Variants in KCNMA1 observed in about 807,000 individuals in gnomAD.
The protein encoded by KCNMA1 is potassium calcium-activated channel subfamily M alpha 1, also known as Calcium-activated potassium channel subunit alpha-1.
Under a neutral mutation model 140.0 loss-of-function variants are expected in KCNMA1, and 29 were observed. The ratio of observed to expected loss-of-function variants is 0.21; its 90% confidence interval spans 0.15 to 0.28. The LOEUF (loss-of-function observed/expected upper bound fraction) is 0.28. KCNMA1 is among the 10% of genes least tolerant of loss of function. KCNMA1 has a pLI of 1.00. For synonymous variants in KCNMA1, 612 were observed against 611.9 expected, an observed-to-expected ratio of 1.00 and a Z score of 0.00; for missense variants, 880 against 1,602.2, an observed-to-expected ratio of 0.55 and a Z score of 7.70.
intron 1 of KCNMA1, among the ~76,000 whole-genome samples, chr10:77,615,658 G>C (rs76939640): frequency 6.6e-6 from 1 of 151,742 alleles, no homozygotes; most frequent in Non-Finnish European, 1.5e-5. Flanking sequence ...CCTCTCCCTC[G>C]TCCTTCCTAT....
intron 19 of KCNMA1, among the ~76,000 whole-genome samples, chr10:76,982,809 T>C (rs1237144083): frequency 1.3e-5 from 2 of 152,218 alleles, no homozygotes; most frequent in South Asian, 2.1e-4. Context: ...CAGCCCACTT[T>C]CCTTTCCAAG....
At chr10:77,185,386 T>A (rs1425344646) in intron 3 of KCNMA1, among the ~76,000 whole-genome samples, 2 of 152,018 alleles carry the variant, frequency 1.3e-5, no homozygotes, top group African/African-American at 4.8e-5. Flanking sequence ...AGTGGTTGTG[T>A]TTTGGACCTT....
At chr10:77,026,646 T>A (rs566157757) in intron 16 of KCNMA1, among the ~76,000 whole-genome samples, 1 of 115,104 alleles carries the variant, frequency 8.7e-6, no homozygotes, top group African/African-American at 3.6e-5. Flanking sequence ...AAATCTACCA[T>A]TTTTTTCTTC....
rs1223978641 is a variant in KCNMA1 at position 77,570,128 on chromosome 10, C to T, written c.378+67137G>A. ...ATGTGGAGAAATAGGAACACTTTTACACTGTTGGTGGGACTGTAAACTAGT... is the reference window on the plus strand; with the variant it reads ...ATGTGGAGAAATAGGAACACTTTTATACTGTTGGTGGGACTGTAAACTAGT... On this transcript the variant is annotated intron_variant, in intron 1 of 27. Coordinates refer to ENST00000286628, the MANE Select transcript of KCNMA1 (RefSeq NM_001161352.2). 4.0e-5 allele frequency among the ~76,000 whole-genome samples: 6 copies of T among 151,802 alleles called. No homozygotes were observed. In the South Asian group the frequency reaches 1.0e-3, roughly 27 times the overall value.
At chr10:77,017,460 C>G (rs546404565) in intron 17 of KCNMA1, among the ~76,000 whole-genome samples, 3 of 152,268 alleles carry the variant, frequency 2.0e-5, no homozygotes, top group Non-Finnish European at 2.9e-5. Flanking sequence ...CTTGAACAAC[C>G]GGGAGATTCT....
intron 23 of KCNMA1, among the ~76,000 whole-genome samples, chr10:76,928,098 A>G (rs2058228285): frequency 6.6e-6 from 1 of 152,142 alleles, no homozygotes. Flanking sequence ...AGGGAGTTGG[A>G]GATGGGAGGA....
At chr10:77,118,703 T>C (rs1011934387) in intron 6 of KCNMA1, among the ~76,000 whole-genome samples, 4 of 152,196 alleles carry the variant, frequency 2.6e-5, no homozygotes, top group Non-Finnish European at 5.9e-5. Context: ...GATCCTTGAC[T>C]GCCCTGCAAC....
In KCNMA1 at chr10:77,018,975, C is replaced by T. The variant is rs74140254; in HGVS notation, c.2015+38G>A. On this transcript the variant is annotated intron_variant, in intron 17 of 27. Transcript: ENST00000286628. ...TTCCGTGGGTCAAGGTGTCTACAGC[C>T]GGGCCAGAAAGAAAGCCAGTTGAAA... is the stretch of plus-strand genomic sequence containing the variant. 2,989 of 1,186,782 alleles carry T rather than the reference C, an allele frequency of 2.5e-3. 50 individuals are homozygous for T. The African/African-American group carries it at 0.039, about 15-fold the overall frequency. The allele number at this position is 1,186,782 out of a possible 1,614,324, so 73.5% of individuals were successfully genotyped here. A position where few individuals can be genotyped will look rare whatever the true frequency, so the allele number is the denominator to read the frequency against.
At chr10:77,182,704 C>T (rs568338313) in intron 5 of KCNMA1, among the ~76,000 whole-genome samples, 2 of 152,144 alleles carry the variant, frequency 1.3e-5, no homozygotes, top group Non-Finnish European at 1.5e-5. Context: ...CTAGTAGACC[C>T]CATGACAGCA....
At chr10:77,274,226 A>G (rs1276085092) in intron 2 of KCNMA1, among the ~76,000 whole-genome samples, 1 of 152,116 alleles carries the variant, frequency 6.6e-6, no homozygotes, top group African/African-American at 2.4e-5. Context: ...ATCACACACT[A>G]TTTATAGGCT....
At chr10:76,907,004 G>C (rs1173609239) in intron 25 of KCNMA1, among the ~76,000 whole-genome samples, 1 of 152,276 alleles carries the variant, frequency 6.6e-6, no homozygotes, top group Non-Finnish European at 1.5e-5. Flanking sequence ...AATATGTCTT[G>C]CTTCAACACT....
At chr10:77,024,431 T>C (rs569302241) in intron 16 of KCNMA1, among the ~76,000 whole-genome samples, 20 of 151,710 alleles carry the variant, frequency 1.3e-4, no homozygotes, top group Non-Finnish European at 2.5e-4. Flanking sequence ...CACAAACACA[T>C]GACAGTGATT....
chr10:77,104,681 T>C (rs2097165770), intron 9 of KCNMA1, among the ~76,000 whole-genome samples: 1 of 152,224 alleles, frequency 6.6e-6, no homozygotes, highest in Non-Finnish European at 1.5e-5. Context: ...TTACAGCAGA[T>C]GGATTCCTCT....
intron 2 of KCNMA1, among the ~76,000 whole-genome samples, chr10:77,268,434 G>A (rs1014179082): frequency 1.3e-5 from 2 of 152,114 alleles, no homozygotes; most frequent in Non-Finnish European, 1.5e-5. Context: ...TGATGAGTAA[G>A]TGTTGTTTTT....
chr10:77,307,703 C>T (rs911078541), intron 2 of KCNMA1, among the ~76,000 whole-genome samples: 8 of 152,232 alleles, frequency 5.3e-5, no homozygotes, highest in East Asian at 1.9e-4. Flanking sequence ...CGCACCACCA[C>T]GCCCAGCTAA....
At chr10:77,445,708 A>G (rs941237350) in intron 1 of KCNMA1, among the ~76,000 whole-genome samples, 1 of 152,154 alleles carries the variant, frequency 6.6e-6, no homozygotes, top group African/African-American at 2.4e-5. Flanking sequence ...GAATGCTGAT[A>G]TGGAATAGCT....
At chr10:77,131,571 C>T (rs1022295724) in intron 5 of KCNMA1, among the ~76,000 whole-genome samples, 1 of 152,032 alleles carries the variant, frequency 6.6e-6, no homozygotes, top group Non-Finnish European at 1.5e-5. Context: ...GGTGTAGTGA[C>T]TAGAAGGTTG....
At chr10:76,978,872 T>A (rs531114065) in intron 19 of KCNMA1, among the ~76,000 whole-genome samples, 2 of 152,324 alleles carry the variant, frequency 1.3e-5, no homozygotes, top group South Asian at 4.1e-4. Flanking sequence ...TTGAAATCAA[T>A]ATTTATACTG....
chr10:77,340,585 C>T (rs1020252183), intron 2 of KCNMA1, among the ~76,000 whole-genome samples: 3 of 152,098 alleles, frequency 2.0e-5, no homozygotes, highest in African/African-American at 7.2e-5. Context: ...AGCTGGAAAC[C>T]GTCATTCTCA....
Sources: gnomAD v4.1 joint callset for allele counts (sites outside exome capture counted in the v4.1 genomes callset) on GRCh38, gnomAD v4.1.1 for gene constraint, MANE v1.5 for transcripts, NCBI Gene and HGNC (gene_info 2026-07-23, HGNC 2026-07-21) for gene names.